Variants in PECAM1 observed in about 807,000 individuals in gnomAD.
PECAM1 encodes the protein platelet and endothelial cell adhesion molecule 1.
Under a neutral mutation model 13.8 loss-of-function variants are expected in PECAM1, and 8 were observed. The ratio of observed to expected loss-of-function variants is 0.58; its 90% CI spans 0.34 to 1.05. PECAM1 has a LOEUF of 1.05. Among genes scored for constraint, PECAM1 ranks in the 50% least tolerant of loss-of-function variants. The probability of loss-of-function intolerance (pLI) is 0.03; values close to 1 mark genes in which losing one functional copy is unlikely to be tolerated. For missense variants in PECAM1, 304 were observed against 141.2 expected, an observed-to-expected ratio of 2.15 and a Z score of -5.84; for synonymous variants, 136 against 52.6, an observed-to-expected ratio of 2.58 and a Z score of -6.86.
intron 15 of PECAM1, among the ~76,000 whole-genome samples, chr17:64,328,263 A>G (rs781845413): frequency 0.071 from 10,761 of 152,286 alleles, 482 homozygotes; most frequent in Non-Finnish European, 0.11. Flanking sequence ...GCTTCAGGAG[A>G]ACACATCTGT....
At chr17:64,329,636 C>A in intron 15 of PECAM1, 64 bp downstream of exon 15, 1 of 723,110 alleles carries the variant, frequency 1.4e-6, no homozygotes, top group South Asian at 1.5e-5. Flanking sequence ...GTGGGTGAGT[C>A]TGGAAATATT....
chr17:64,337,636 C>T (rs1419270577), intron 14 of PECAM1, among the ~76,000 whole-genome samples: 2 of 148,142 alleles, frequency 1.4e-5, no homozygotes, highest in Non-Finnish European at 3.0e-5. Flanking sequence ...TGCTCTACAC[C>T]GCCTCAAATC....
At position 64,323,046 on chromosome 17, in the gene PECAM1, C is replaced by A. The variant is rs1045487760; in HGVS notation, c.*770G>T. The A allele has an allele frequency of 3.9e-5, 38 of 984,946 alleles. No individual in the cohort carries two copies. Among genetic ancestry groups the A allele is most frequent in the Middle Eastern group, 5.2e-4 (1 of 1,936 alleles). 61.0% of individuals were successfully genotyped at this position (984,946 alleles called of 1,614,324 possible). On this transcript the variant is annotated 3_prime_UTR_variant, in exon 16 of 16. Transcript: ENST00000563924. Reference sequence around the variant, plus strand: ...TTTTTAAAAATTAGTAAGAAACATACACATTTCAAGTTTTCAATTAAGAAT... The same window carrying A: ...TTTTTAAAAATTAGTAAGAAACATAAACATTTCAAGTTTTCAATTAAGAAT...
At chr17:64,328,454 A>G (rs1323949697) in intron 15 of PECAM1, among the ~76,000 whole-genome samples, 1 of 152,176 alleles carries the variant, frequency 6.6e-6, no homozygotes, top group African/African-American at 2.4e-5. Context: ...CAGACACGCT[A>G]TTCTACCAGT....
intron 4 of PECAM1, among the ~76,000 whole-genome samples, chr17:64,373,385 A>C (rs1045847373): frequency 3.9e-4 from 60 of 152,224 alleles, no homozygotes; most frequent in Non-Finnish European, 7.1e-4. Context: ...CCATCCCTAC[A>C]GTCAAGTTCT....
chr17:64,321,927 A>C lies in PECAM1; in HGVS notation c.*1889T>G. 7.5e-7 allele frequency: 1 copy of C among 1,332,414 alleles called. No homozygotes were observed. Among genetic ancestry groups the C allele is most frequent in the Non-Finnish European group, 9.9e-7 (1 of 1,005,452 alleles). 82.5% of individuals were successfully genotyped at this position (1,332,414 alleles called of 1,614,324 possible). On this transcript the variant is annotated 3_prime_UTR_variant, in exon 16 of 16. Coordinates refer to ENST00000563924, the MANE Select transcript of PECAM1 (RefSeq NM_000442.5). ...ATCTGGCTGTCCCCAGATCATCAACAGAGACATGAAGGTCGTTAGAGGTCG... is the reference window on the plus strand; with the variant it reads ...ATCTGGCTGTCCCCAGATCATCAACCGAGACATGAAGGTCGTTAGAGGTCG...
intron 5 of PECAM1, among the ~76,000 whole-genome samples, chr17:64,366,717 A>T (rs1222454078): frequency 2.0e-5 from 3 of 151,094 alleles, no homozygotes; most frequent in African/African-American, 7.3e-5. Flanking sequence ...AGTAAACTAT[A>T]GCAAGGACAA....
intron 14 of PECAM1, among the ~76,000 whole-genome samples, chr17:64,336,238 C>A (rs1260061202): frequency 1.0e-4 from 15 of 149,692 alleles, no homozygotes; most frequent in Admixed American, 8.1e-4. Context: ...TGCACTCCAG[C>A]CTGGGTGACA....
At chr17:64,375,914 G>A (rs1288656239) in intron 3 of PECAM1, among the ~76,000 whole-genome samples, 3 of 152,150 alleles carry the variant, frequency 2.0e-5, no homozygotes, top group Admixed American at 6.6e-5. Flanking sequence ...TGATACAGTG[G>A]ACTTTGGGGA....
At chr17:64,387,481 CA>C (rs1206941744) in intron 2 of PECAM1, among the ~76,000 whole-genome samples, 4 of 152,152 alleles carry the variant, frequency 2.6e-5, no homozygotes, top group African/African-American at 9.7e-5. Context: ...AAAGAGTTCC[CA>C]TTCACTGAGA....
intron 2 of PECAM1, among the ~76,000 whole-genome samples, chr17:64,387,151 C>T (rs1484187794): frequency 3.9e-5 from 6 of 152,152 alleles, no homozygotes; most frequent in East Asian, 1.9e-4. Context: ...GGTCAAGGAG[C>T]GAGGCTTTGG....
chr17:64,363,405 A>G lies in PECAM1; in HGVS notation c.968-8T>C, dbSNP rs2143821847. 3 of 475,388 alleles carry G rather than the reference A, an allele frequency of 6.3e-6. No homozygotes were observed. The highest frequency in any genetic ancestry group is 3.2e-5 in the Admixed American group (1 of 31,730). The allele number at this position is 475,388 out of a possible 1,614,324, so 29.4% of individuals were successfully genotyped here. On this transcript the variant is annotated splice_polypyrimidine_tract_variant and splice_region_variant and intron_variant, in intron 5 of 15. Transcript: ENST00000563924. Reference sequence around the variant, plus strand: ...CGGGCTTGGAAAATAGTTCTGAAAAACAGTGAGTGGGAATGGAGCGAGATG... The same window carrying G: ...CGGGCTTGGAAAATAGTTCTGAAAAGCAGTGAGTGGGAATGGAGCGAGATG...
chr17:64,390,607 A>G lies in PECAM1; in HGVS notation c.59T>C (p.Leu20Pro), dbSNP rs1314269351. ...TMWLGVLLTL[L>P]LCSSLEGQEN... ...GAAACAGAGTAAACACTCACAGAGC[A>G]GAAGGGTCAGCAGGACTCCAAGCCA... The change falls in exon 1 of 16, where the codon CTG becomes CCG. Residue 20 changes from leucine (L) to proline (P), a missense_variant. Leu to Pro is a moderately conservative substitution (Grantham distance 98, BLOSUM62 -3). Coordinates refer to ENST00000563924, the MANE Select transcript of PECAM1 (RefSeq NM_000442.5). 6.4e-6 allele frequency: 3 copies of G among 471,908 alleles called. No homozygotes were observed. Among genetic ancestry groups the G allele is most frequent in the Non-Finnish European group, 1.2e-5 (3 of 257,574 alleles). 29.2% of individuals were successfully genotyped at this position (471,908 alleles called of 1,614,324 possible).
chr17:64,341,256 T>A (rs1405667804), intron 14 of PECAM1, among the ~76,000 whole-genome samples: 1 of 147,710 alleles, frequency 6.8e-6, no homozygotes, highest in African/African-American at 2.5e-5. Flanking sequence ...AGAGCGAGAC[T>A]CCATATCCAA....
chr17:64,372,536 C>T (rs958988773), intron 4 of PECAM1, among the ~76,000 whole-genome samples: 2 of 152,042 alleles, frequency 1.3e-5, no homozygotes, highest in Non-Finnish European at 2.9e-5. Context: ...GATGGAGTCT[C>T]ACTCAGTCAC....
At chr17:64,375,985 ACTGCTCGG>A (rs2036349048) in intron 3 of PECAM1, among the ~76,000 whole-genome samples, 4 of 152,078 alleles carry the variant, frequency 2.6e-5, no homozygotes, top group African/African-American at 4.8e-5. Flanking sequence ...TACAGTGTAC[ACTGCTCGG>A]GTGATGGGTC....
intron 2 of PECAM1, among the ~76,000 whole-genome samples, chr17:64,388,506 T>C (rs1192649965): frequency 6.6e-6 from 1 of 152,128 alleles, no homozygotes; most frequent in East Asian, 1.9e-4. Flanking sequence ...CATCCCCATG[T>C]TACAGATTGG....
At chr17:64,389,051 T>G (rs1245157905) in intron 2 of PECAM1, among the ~76,000 whole-genome samples, 1 of 152,178 alleles carries the variant, frequency 6.6e-6, no homozygotes, top group Non-Finnish European at 1.5e-5. Flanking sequence ...CTCCGTGGGT[T>G]GCCATGGGGA....
intron 3 of PECAM1, chr17:64,377,442 T>A (rs2143875391): frequency 6.5e-6 from 1 of 153,534 alleles, no homozygotes; most frequent in African/African-American, 2.4e-5. Flanking sequence ...TGAAACCCCA[T>A]CTCTACTAAA....
Sources: gnomAD v4.1 joint callset for allele counts (sites outside exome capture counted in the v4.1 genomes callset) on GRCh38, gnomAD v4.1.1 for gene constraint, MANE v1.5 for transcripts, NCBI Gene and HGNC (gene_info 2026-07-23, HGNC 2026-07-21) for gene names.